The following PKHD1 variants were observed in gnomAD, a reference collection of about 807,000 sequenced individuals.
PKHD1 encodes the protein PKHD1 ciliary IPT domain containing fibrocystin/polyductin.
PKHD1 carries 291 observed loss-of-function variants against 412.0 expected under a neutral mutation model. The ratio of observed to expected loss-of-function variants is 0.71; its 90% CI spans 0.64 to 0.78. The LOEUF (loss-of-function observed/expected upper bound fraction) is 0.78, where lower values mean the gene tolerates loss of function less well. PKHD1 is among the 30% of genes least tolerant of loss of function. PKHD1 has a pLI of 0.00. For synonymous variants in PKHD1, 1,777 were observed against 1,821.5 expected (o/e 0.98, Z 0.62); for missense variants, 4,825 against 4,950.7 (o/e 0.97, Z 0.76).
chr6:51,964,253 G>A (rs975197747), intron 35 of PKHD1, among the ~76,000 whole-genome samples: 10 of 152,022 alleles, frequency 6.6e-5, no homozygotes, highest in Admixed American at 2.0e-4. Flanking sequence ...TGGAACACCC[G>A]GCAAAGCAAA....
rs142132546 is a variant in PKHD1, at chr6:51,842,336, G to A, written c.8107+5439C>T. On this transcript the variant is annotated intron_variant, in intron 50 of 66. Transcript: ENST00000371117. ...ATGAATTTATCACCGGCTGCTGGTC[G>A]GGAGGGGGATCAAGCTAGGGGAAGG... 6.3e-4 allele frequency among the ~76,000 whole-genome samples: 96 copies of A among 152,240 alleles called. 3 individuals are homozygous for A. The highest frequency in any genetic ancestry group is 3.1e-3 in the East Asian group (16 of 5,164).
At chr6:51,645,357 C>G (rs1769955659) in intron 63 of PKHD1, among the ~76,000 whole-genome samples, 1 of 151,974 alleles carries the variant, frequency 6.6e-6, no homozygotes, top group Non-Finnish European at 1.5e-5. Context: ...ATATATATCT[C>G]TTTGTATAGT....
intron 51 of PKHD1, among the ~76,000 whole-genome samples, chr6:51,834,961 G>A (rs979655381): frequency 4.6e-5 from 7 of 152,136 alleles, no homozygotes; most frequent in Non-Finnish European, 1.0e-4. Flanking sequence ...ATATGACTAA[G>A]TTTAATATCT....
intron 56 of PKHD1, among the ~76,000 whole-genome samples, chr6:51,753,722 C>T (rs1199506931): frequency 6.6e-6 from 1 of 152,152 alleles, no homozygotes; most frequent in African/African-American, 2.4e-5. Context: ...TGTACATTGT[C>T]CGTGGACCTC....
intron 47 of PKHD1, among the ~76,000 whole-genome samples, chr6:51,869,788 A>AG (rs1046667676): frequency 1.1e-4 from 16 of 152,060 alleles, no homozygotes; most frequent in Non-Finnish European, 1.9e-4. Context: ...TACATAGGAA[A>AG]AAAAAGTAAA....
chr6:51,632,954 T>C (rs1209743463), intron 64 of PKHD1, among the ~76,000 whole-genome samples: 1 of 152,174 alleles, frequency 6.6e-6, no homozygotes, highest in Non-Finnish European at 1.5e-5. Context: ...CTGTCAATTA[T>C]TGATTGAGAA....
At chr6:51,948,956 G>A (rs1789891326) in intron 36 of PKHD1, among the ~76,000 whole-genome samples, 1 of 152,114 alleles carries the variant, frequency 6.6e-6, no homozygotes, top group South Asian at 2.1e-4. Context: ...GAGAAAAGGT[G>A]CACAGCCAGC....
At chr6:51,780,378 C>T (rs1791785135) in intron 53 of PKHD1, among the ~76,000 whole-genome samples, 1 of 150,880 alleles carries the variant, frequency 6.6e-6, no homozygotes. Context: ...CAGAGAAAGA[C>T]TCCATCTCAA....
chr6:51,982,098 A>G (rs1795422919), intron 35 of PKHD1, among the ~76,000 whole-genome samples: 1 of 62,270 alleles, frequency 1.6e-5, no homozygotes, highest in Non-Finnish European at 4.0e-5. Context: ...CCCGTCTGAG[A>G]AGTGAGGAGC....
intron 66 of PKHD1, among the ~76,000 whole-genome samples, chr6:51,620,661 G>C (rs187407952): frequency 8.9e-4 from 135 of 151,690 alleles, no homozygotes; most frequent in African/African-American, 3.2e-3. Context: ...GTTTGTGTTA[G>C]GAGATAGTAA....
intron 11 of PKHD1, among the ~76,000 whole-genome samples, chr6:52,068,778 G>A (rs902013210): frequency 2.6e-5 from 4 of 152,186 alleles, no homozygotes; most frequent in African/African-American, 7.2e-5. Context: ...GGGTCAAAAT[G>A]CAGCTGTTGC....
chr6:51,803,785 T>C lies in PKHD1; in HGVS notation c.8303-12412A>G, dbSNP rs989039247. 2.4e-4 allele frequency among the ~76,000 whole-genome samples: 36 copies of C among 151,456 alleles called. 3 individuals carry two copies. Among genetic ancestry groups the C allele is most frequent in the African/African-American group, 8.8e-4 (36 of 40,810 alleles). On this transcript the variant is annotated intron_variant, in intron 52 of 66. Transcript: ENST00000371117. Reference sequence around the variant, plus strand: ...GCAATGGTGCGATCTTGGCTCACTGTAATCTCCGCCACCTGGGTTCAAGCA... The same window carrying C: ...GCAATGGTGCGATCTTGGCTCACTGCAATCTCCGCCACCTGGGTTCAAGCA...
intron 65 of PKHD1, among the ~76,000 whole-genome samples, chr6:51,631,665 G>T (rs1425730224): frequency 6.6e-6 from 1 of 152,042 alleles, no homozygotes; most frequent in African/African-American, 2.4e-5. Flanking sequence ...TTGGGGGAAT[G>T]GGTGGAATAA....
At chr6:51,712,520 C>G (rs914595062) in intron 60 of PKHD1, among the ~76,000 whole-genome samples, 6 of 152,090 alleles carry the variant, frequency 3.9e-5, no homozygotes, top group African/African-American at 1.4e-4. Flanking sequence ...AAAGAAGAAA[C>G]TAATTTTAAT....
intron 7 of PKHD1, 26 bp downstream of exon 7, chr6:52,073,437 A>ATGT: frequency 6.8e-7 from 1 of 1,460,860 alleles, no homozygotes; most frequent in Non-Finnish European, 9.6e-7. Context: ...GTAACTAGTT[A>ATGT]AACACAAAAA....
intron 38 of PKHD1, 89 bp downstream of exon 38, chr6:51,912,277 T>C (rs1783074142): frequency 2.4e-6 from 2 of 844,054 alleles, no homozygotes; most frequent in South Asian, 2.7e-5. Flanking sequence ...AATATATCAT[T>C]GAAAGACCCC....
At chr6:51,637,720 A>G (rs139776667) in intron 64 of PKHD1, among the ~76,000 whole-genome samples, 2,653 of 152,186 alleles carry the variant, frequency 0.017, 36 homozygotes, top group Non-Finnish European at 0.027. Context: ...CCTGGCCAAC[A>G]TGGTGAAACC....
At chr6:51,724,998 A>G (rs1782394153) in intron 60 of PKHD1, among the ~76,000 whole-genome samples, 2 of 152,182 alleles carry the variant, frequency 1.3e-5, no homozygotes, top group African/African-American at 4.8e-5. Flanking sequence ...AAAGAGAGGA[A>G]CTACTACAAA....
At chr6:51,762,327 C>T (rs947537258) in intron 55 of PKHD1, among the ~76,000 whole-genome samples, 1 of 151,980 alleles carries the variant, frequency 6.6e-6, no homozygotes, top group Admixed American at 6.6e-5. Flanking sequence ...CACATGGCTA[C>T]CCTTCAAAGA....
Sources: gnomAD v4.1 joint callset for allele counts (sites outside exome capture counted in the v4.1 genomes callset) on GRCh38, gnomAD v4.1.1 for gene constraint, MANE v1.5 for transcripts, NCBI Gene and HGNC (gene_info 2026-07-23, HGNC 2026-07-21) for gene names.